Variants in LYZL2 observed in about 807,000 individuals in gnomAD.
The protein encoded by LYZL2 is lysozyme like 2.
A neutral mutation model predicts 17.1 loss-of-function variants in LYZL2; 13 were observed. That is an observed-to-expected ratio of 0.76 (90% CI 0.49 to 1.21). The LOEUF (loss-of-function observed/expected upper bound fraction) is 1.21, where lower values mean the gene tolerates loss of function less well. LYZL2 is among the 50% of genes most tolerant of loss of function. The probability of loss-of-function intolerance (pLI) is 0.00; values close to 1 mark genes in which losing one functional copy is unlikely to be tolerated. For missense variants in LYZL2, 166 were observed against 189.2 expected, an observed-to-expected ratio of 0.88 and a Z score of 0.72; for synonymous variants, 63 against 74.4, an observed-to-expected ratio of 0.85 and a Z score of 0.79.
At chr10:30,629,381 G>A in intron 1 of LYZL2, among the ~76,000 whole-genome samples, 1 of 147,872 alleles carries the variant, frequency 6.8e-6, no homozygotes, top group Non-Finnish European at 1.5e-5. Context: ...GCAACAGAGT[G>A]ACATCCTGTT....
intron 4 of LYZL2, among the ~76,000 whole-genome samples, chr10:30,612,280 C>G (rs1412596773): frequency 1.3e-5 from 2 of 152,214 alleles, no homozygotes; most frequent in East Asian, 3.8e-4. Flanking sequence ...ACACCCACAT[C>G]TGTGAAAATT....
At chr10:30,617,354 A>C (rs1838544225) in intron 3 of LYZL2, among the ~76,000 whole-genome samples, 1 of 152,050 alleles carries the variant, frequency 6.6e-6, no homozygotes, top group African/African-American at 2.4e-5. Flanking sequence ...TTTTGAAAGT[A>C]CTCATTGGAC....
chr10:30,627,258 T>C (rs1393363607), intron 1 of LYZL2, among the ~76,000 whole-genome samples: 1 of 152,156 alleles, frequency 6.6e-6, no homozygotes, highest in Admixed American at 6.5e-5. Flanking sequence ...TTTAATTCTA[T>C]GAATGAAAAA....
chr10:30,625,709 G>A (rs1207222292), intron 3 of LYZL2, among the ~76,000 whole-genome samples: 2 of 151,980 alleles, frequency 1.3e-5, no homozygotes, highest in Non-Finnish European at 2.9e-5. Context: ...AGAAAGAAAC[G>A]TAAATTGTAT....
intron 3 of LYZL2, among the ~76,000 whole-genome samples, chr10:30,615,241 G>T (rs1403967652): frequency 6.6e-6 from 1 of 152,194 alleles, no homozygotes; most frequent in African/African-American, 2.4e-5. Context: ...GCAACAACAT[G>T]GAAGAACGGA....
At chr10:30,616,421 A>G (rs1416372555) in intron 3 of LYZL2, among the ~76,000 whole-genome samples, 2 of 152,246 alleles carry the variant, frequency 1.3e-5, no homozygotes, top group African/African-American at 2.4e-5. Flanking sequence ...GCGGTGGCTC[A>G]CGCCTATAAT....
chr10:30,607,902 G>A (rs448247), downstream of LYZL2, among the ~76,000 whole-genome samples: 96,487 of 152,062 alleles, frequency 0.63, 31,211 homozygotes, highest in Middle Eastern at 0.77. Flanking sequence ...GAGGAAATCC[G>A]ATAACCTGGA....
downstream of LYZL2, among the ~76,000 whole-genome samples, chr10:30,611,530 AGAAGGAAG>A (rs762109748): frequency 0.012 from 949 of 80,376 alleles, 19 homozygotes; most frequent in Non-Finnish European, 0.013. Flanking sequence ...GGAAAAAGAA[AGAAGGAAG>A]GAAGGAAGGA....
At chr10:30,608,943 G>A (rs1038497418), downstream of LYZL2, among the ~76,000 whole-genome samples, 21 of 151,974 alleles carry the variant, frequency 1.4e-4, no homozygotes, top group African/African-American at 4.1e-4. Context: ...GGGCTCAAGC[G>A]ACCCTCCCAC....
chr10:30,621,854 A>G (rs1715253282), intron 3 of LYZL2, among the ~76,000 whole-genome samples: 2 of 152,220 alleles, frequency 1.3e-5, no homozygotes, highest in Admixed American at 6.5e-5. Flanking sequence ...TGTAATAGAT[A>G]CTATAAAACT....
chr10:30,629,733 A>T lies in LYZL2; in HGVS notation c.-166T>A. On this transcript the variant is annotated 5_prime_UTR_variant, in exon 1 of 5. In the 5' UTR this introduces an upstream ATG that the reference lacks. Transcript: ENST00000647634. ...CCTGAAGCCATGTCTGATTCTAACA[A>T]GGCTCGAGTAATCCTTTCCTAGCTC... 1 of 1,590,726 alleles carries T rather than the reference A, an allele frequency of 6.3e-7. No individual in the cohort carries two copies. Among genetic ancestry groups the T allele is most frequent in the Non-Finnish European group, 8.6e-7 (1 of 1,165,272 alleles).
At position 30,612,037 on chromosome 10, in the gene LYZL2, G is replaced by A. The variant is rs1420013318; in HGVS notation, c.378-13C>T. The stretch of plus-strand genomic sequence containing the variant: ...CTTCCAGCCTTGCCTGAGGACGAGA[G>A]GGAAGCAAGAGCAGCAGAAAGAAGC... On this transcript the variant is annotated splice_polypyrimidine_tract_variant and intron_variant, in intron 4 of 4. Transcript: ENST00000647634. 3 of 1,613,748 alleles carry A rather than the reference G, an allele frequency of 1.9e-6. No homozygotes were observed. Among genetic ancestry groups the A allele is most frequent in the Middle Eastern group, 1.6e-4 (1 of 6,062 alleles).
At chr10:30,624,783 T>A (rs746023999) in intron 3 of LYZL2, among the ~76,000 whole-genome samples, 2 of 152,206 alleles carry the variant, frequency 1.3e-5, no homozygotes, top group African/African-American at 2.4e-5. Flanking sequence ...AAGGTGACTC[T>A]CTGACTTCAC....
chr10:30,607,820 C>T (rs529832482), downstream of LYZL2, among the ~76,000 whole-genome samples: 1 of 152,286 alleles, frequency 6.6e-6, no homozygotes, highest in Non-Finnish European at 1.5e-5. Context: ...AAGAACTGCT[C>T]TCAGCCTGAG....
At chr10:30,616,696 A>C (rs1405568065) in intron 3 of LYZL2, among the ~76,000 whole-genome samples, 2 of 152,186 alleles carry the variant, frequency 1.3e-5, no homozygotes, top group Non-Finnish European at 2.9e-5. Flanking sequence ...AACCATTTCT[A>C]TGGGTACCAT....
intron 1 of LYZL2, 47 bp downstream of exon 1, chr10:30,629,546 C>A: frequency 6.2e-7 from 1 of 1,601,586 alleles, no homozygotes; most frequent in Non-Finnish European, 8.5e-7. Context: ...CCTGCCATTG[C>A]TGGTTCTCAG....
At chr10:30,615,903 C>T (rs116133363) in intron 3 of LYZL2, among the ~76,000 whole-genome samples, 475 of 152,180 alleles carry the variant, frequency 3.1e-3, no homozygotes, top group African/African-American at 0.011. Flanking sequence ...AAAAGATAGT[C>T]ATTAATTCAC....
intron 3 of LYZL2, 52 bp downstream of exon 3, chr10:30,626,053 G>A (rs1230444148): frequency 2.0e-5 from 31 of 1,575,328 alleles, no homozygotes; most frequent in Admixed American, 3.6e-5. Flanking sequence ...TCCCATTGTC[G>A]GCTTTCTCAC....
the LYZL2 span, among the ~76,000 whole-genome samples, chr10:30,606,380 G>C: frequency 1.3e-5 from 2 of 148,252 alleles, no homozygotes; most frequent in Non-Finnish European, 3.0e-5. Flanking sequence ...TAGAGATAGG[G>C]TCTTTCTCTG....
Sources: gnomAD v4.1 joint callset for allele counts (sites outside exome capture counted in the v4.1 genomes callset) on GRCh38, gnomAD v4.1.1 for gene constraint, MANE v1.5 for transcripts, NCBI Gene and HGNC (gene_info 2026-07-23, HGNC 2026-07-21) for gene names.